Variants in CDK8 observed in about 807,000 individuals in gnomAD.
CDK8 encodes the protein cyclin-dependent kinase 8.
A neutral mutation model predicts 71.5 loss-of-function variants in CDK8; 29 were observed. That is an observed-to-expected ratio of 0.41 (90% CI 0.30 to 0.55). CDK8 has a LOEUF of 0.55. Among genes scored for constraint, CDK8 ranks in the 20% least tolerant of loss-of-function variants. The pLI, the probability that CDK8 is intolerant of heterozygous loss-of-function variation, is 0.37. For synonymous variants in CDK8, 161 were observed against 192.1 expected (o/e 0.84, Z 1.34); for missense variants, 288 against 572.6 (o/e 0.50, Z 5.07).
At chr13:26,292,270 G>A (rs1565960142) in intron 1 of CDK8, among the ~76,000 whole-genome samples, 1 of 152,044 alleles carries the variant, frequency 6.6e-6, no homozygotes, top group Non-Finnish European at 1.5e-5. Context: ...CTACTCTCAG[G>A]CCTCACTACT....
intron 1 of CDK8, among the ~76,000 whole-genome samples, chr13:26,274,493 A>G (rs1404788778): frequency 6.6e-6 from 1 of 150,390 alleles, no homozygotes; most frequent in Admixed American, 6.6e-5. Context: ...GTGCAGTGGC[A>G]CGACCTCCAC....
chr13:26,391,001 TAAAAAAA>T (rs199698945), intron 6 of CDK8, among the ~76,000 whole-genome samples: 1 of 121,646 alleles, frequency 8.2e-6, no homozygotes, highest in Non-Finnish European at 1.7e-5. Context: ...GGGCACAATC[TAAAAAAA>T]AAAAAAAAAC....
At position 26,404,137 on chromosome 13, in the gene CDK8, A is replaced by G; in HGVS notation, c.*56A>G. On this transcript the variant is annotated 3_prime_UTR_variant, in exon 13 of 13. Transcript: ENST00000381527. ...GCGAATGCTGCAGGGCTGACTGTGC[A>G]GCTCTCTGCGGGAACCTGGTATGGG... 2 of 1,598,478 alleles carry G rather than the reference A, an allele frequency of 1.3e-6. No individual in the cohort carries two copies. Among genetic ancestry groups the G allele is most frequent in the Middle Eastern group, 1.7e-4 (1 of 5,972 alleles).
chr13:26,362,991 TA>T (rs1874215399), intron 4 of CDK8, among the ~76,000 whole-genome samples: 2 of 66,446 alleles, frequency 3.0e-5, no homozygotes, highest in East Asian at 1.2e-3. Context: ...CTTTTCATTG[TA>T]GTTTTTTTTT....
At chr13:26,374,272 A>G (rs1369237645) in intron 4 of CDK8, among the ~76,000 whole-genome samples, 2 of 137,940 alleles carry the variant, frequency 1.4e-5, no homozygotes, top group African/African-American at 4.9e-5. Flanking sequence ...TTCACAATAA[A>G]GAAGGGCCTT....
intron 4 of CDK8, among the ~76,000 whole-genome samples, chr13:26,360,079 AG>A (rs778710070): frequency 2.0e-5 from 3 of 152,362 alleles, no homozygotes; most frequent in Non-Finnish European, 2.9e-5. Flanking sequence ...AACTTAAAAA[AG>A]GAATGCTTTT....
intron 1 of CDK8, among the ~76,000 whole-genome samples, chr13:26,279,581 C>G (rs1382349249): frequency 6.6e-6 from 1 of 151,984 alleles, no homozygotes; most frequent in Admixed American, 6.6e-5. Context: ...CTGGCCTAGT[C>G]TCTTCAAGAA....
Position 26,263,188 on chromosome 13 carries a change from T to C in CDK8, c.128+8419T>C, listed in dbSNP as rs1008098945. Among the ~76,000 whole-genome samples the C allele has an allele frequency of 5.3e-5, 8 of 152,188 alleles. No homozygotes were observed. The South Asian group carries it at 1.7e-3, about 32-fold the overall frequency. Reference sequence around the variant, plus strand: ...TCTCGCTCTGTTGCCCAGGCTGGAGTGCAATGGCGCGATCTCCGCTCACTG... The same window carrying C: ...TCTCGCTCTGTTGCCCAGGCTGGAGCGCAATGGCGCGATCTCCGCTCACTG... On this transcript the variant is annotated intron_variant, in intron 1 of 12. Coordinates refer to ENST00000381527, the MANE Select transcript of CDK8 (RefSeq NM_001260.3).
chr13:26,327,999 A>G (rs927960138), intron 1 of CDK8, among the ~76,000 whole-genome samples: 1 of 143,034 alleles, frequency 7.0e-6, no homozygotes, highest in African/African-American at 2.6e-5. Context: ...TTCTTTCCCT[A>G]GTTGGAAATA....
chr13:26,398,810 A>C (rs868656481), intron 9 of CDK8, among the ~76,000 whole-genome samples: 1 of 151,854 alleles, frequency 6.6e-6, no homozygotes, highest in Non-Finnish European at 1.5e-5. Flanking sequence ...CTAAAAATAC[A>C]AAAAGTAGCT....
chr13:26,342,599 T>G (rs767048081), intron 2 of CDK8, among the ~76,000 whole-genome samples: 1 of 152,160 alleles, frequency 6.6e-6, no homozygotes, highest in Non-Finnish European at 1.5e-5. Context: ...CTTTTGGAGT[T>G]TCTTCAATGT....
chr13:26,256,740 G>C (rs545614397), intron 1 of CDK8, among the ~76,000 whole-genome samples: 11 of 152,128 alleles, frequency 7.2e-5, no homozygotes, highest in Non-Finnish European at 1.0e-4. Context: ...TTAGTCATCT[G>C]TGACAGCTGA....
At chr13:26,352,841 CA>C (rs1474566265) in intron 3 of CDK8, among the ~76,000 whole-genome samples, 1 of 152,104 alleles carries the variant, frequency 6.6e-6, no homozygotes, top group Admixed American at 6.6e-5. Context: ...AAGAAAATAG[CA>C]AGTGAAAATG....
intron 4 of CDK8, among the ~76,000 whole-genome samples, chr13:26,378,817 C>A (rs1295819418): frequency 6.6e-6 from 1 of 152,142 alleles, no homozygotes; most frequent in Non-Finnish European, 1.5e-5. Flanking sequence ...AAAACTGCTA[C>A]CAAATTCTGC....
chr13:26,354,717 T>C (rs1873821331), intron 4 of CDK8, among the ~76,000 whole-genome samples: 1 of 152,140 alleles, frequency 6.6e-6, no homozygotes, highest in South Asian at 2.1e-4. Flanking sequence ...GGTGGTACAG[T>C]TTCATACTGA....
intron 4 of CDK8, among the ~76,000 whole-genome samples, chr13:26,365,184 A>G (rs979496649): frequency 5.3e-5 from 8 of 152,302 alleles, no homozygotes; most frequent in African/African-American, 1.7e-4. Context: ...CAGATAAAAC[A>G]TGGGTTTGGT....
intron 1 of CDK8, among the ~76,000 whole-genome samples, chr13:26,318,305 A>T: frequency 6.6e-6 from 1 of 152,082 alleles, no homozygotes; most frequent in Non-Finnish European, 1.5e-5. Context: ...AAAGCTCTTG[A>T]TTTAAAAAAA....
At chr13:26,365,799 A>G (rs1031510763) in intron 4 of CDK8, among the ~76,000 whole-genome samples, 1 of 152,078 alleles carries the variant, frequency 6.6e-6, no homozygotes, top group African/African-American at 2.4e-5. Context: ...AATTTTTCAT[A>G]TCTCTGCCTG....
At chr13:26,268,221 GA>G (rs143362761) in intron 1 of CDK8, among the ~76,000 whole-genome samples, 1,995 of 149,460 alleles carry the variant, frequency 0.013, 48 homozygotes, top group African/African-American at 0.047. Context: ...GAATTGTTGA[GA>G]TTTTTTTTTG....
Sources: allele counts gnomAD v4.1 joint callset (sites outside exome capture counted in the v4.1 genomes callset), GRCh38; gene constraint gnomAD v4.1.1; transcripts MANE v1.5; gene names NCBI Gene and HGNC (gene_info 2026-07-23, HGNC 2026-07-21).